Variants in MGAT5 observed in about 807,000 individuals in gnomAD.
The protein encoded by MGAT5 is alpha-1,6-mannosylglycoprotein 6-beta-N-acetylglucosaminyltransferase A.
A neutral mutation model predicts 94.3 loss-of-function variants in MGAT5; 30 were observed. The observed-to-expected ratio is 0.32, with a 90% confidence interval of 0.24 to 0.43. The LOEUF (loss-of-function observed/expected upper bound fraction) is 0.43. MGAT5 is among the 20% of genes least tolerant of loss of function. The pLI is 1.00. For missense variants in MGAT5, 691 were observed against 905.5 expected (o/e 0.76, Z 3.04); for synonymous variants, 310 against 322.9 (o/e 0.96, Z 0.43).
chr2:134,408,212 G>A (rs1683453591), intron 11 of MGAT5, among the ~76,000 whole-genome samples: 1 of 152,204 alleles, frequency 6.6e-6, no homozygotes, highest in African/African-American at 2.4e-5. Flanking sequence ...GGTCCTCCCA[G>A]GAGATGATGC....
chr2:134,288,233 C>T (rs1558762537), intron 2 of MGAT5, among the ~76,000 whole-genome samples: 1 of 152,182 alleles, frequency 6.6e-6, no homozygotes, highest in Non-Finnish European at 1.5e-5. Context: ...TATCAAATGG[C>T]TCAACATCAG....
At chr2:134,359,415 C>CT (rs1679943995) in intron 9 of MGAT5, among the ~76,000 whole-genome samples, 1 of 152,202 alleles carries the variant, frequency 6.6e-6, no homozygotes, top group African/African-American at 2.4e-5. Context: ...AACCAAAACT[C>CT]TGTTTTCTTA....
intron 1 of MGAT5, among the ~76,000 whole-genome samples, chr2:134,193,675 T>TTGTGTGTGTGTG (rs58044792): frequency 2.0e-4 from 26 of 130,892 alleles, no homozygotes; most frequent in South Asian, 5.4e-4. Flanking sequence ...CCCCAAATCT[T>TTGTGTGTGTGTG]TGTGTGTGTG....
At chr2:134,411,638 A>G (rs1683668595) in intron 11 of MGAT5, among the ~76,000 whole-genome samples, 1 of 152,210 alleles carries the variant, frequency 6.6e-6, no homozygotes, top group South Asian at 2.1e-4. Flanking sequence ...TTGGCCTGAC[A>G]CATGCAGCCC....
intron 1 of MGAT5, among the ~76,000 whole-genome samples, chr2:134,196,747 A>AT (rs146866854): frequency 1.2e-4 from 18 of 151,650 alleles, no homozygotes; most frequent in East Asian, 3.9e-4. Context: ...AAAAAATGGA[A>AT]TTTTTTTTTA....
At chr2:134,377,620 TCA>T (rs1314218047) in intron 10 of MGAT5, among the ~76,000 whole-genome samples, 1 of 152,188 alleles carries the variant, frequency 6.6e-6, no homozygotes, top group Non-Finnish European at 1.5e-5. Flanking sequence ...TCTGTCAAAG[TCA>T]CACAACACTT....
chr2:134,320,230 CAG>C (rs1457075063), intron 4 of MGAT5, among the ~76,000 whole-genome samples: 3 of 152,110 alleles, frequency 2.0e-5, no homozygotes, highest in Non-Finnish European at 4.4e-5. Flanking sequence ...AGAAACAACT[CAG>C]AAACAGCCAG....
chr2:134,281,839 G>A (rs994692788), intron 2 of MGAT5, among the ~76,000 whole-genome samples: 2 of 152,236 alleles, frequency 1.3e-5, no homozygotes, highest in East Asian at 1.9e-4. Flanking sequence ...TGTGGTTAAT[G>A]TGAACAGTAC....
At chr2:134,329,059 T>A (rs746438105) in intron 4 of MGAT5, among the ~76,000 whole-genome samples, 28 of 151,966 alleles carry the variant, frequency 1.8e-4, no homozygotes, top group Non-Finnish European at 4.0e-4. Flanking sequence ...AAACGCTGTG[T>A]GGGACATACT....
At chr2:134,427,450 A>G (rs1332959200) in intron 13 of MGAT5, among the ~76,000 whole-genome samples, 1 of 152,140 alleles carries the variant, frequency 6.6e-6, no homozygotes, top group Non-Finnish European at 1.5e-5. Flanking sequence ...TATTGATAAG[A>G]TTGCCTCCTC....
chr2:134,403,323 T>C (rs1256255305), intron 11 of MGAT5, among the ~76,000 whole-genome samples, 186 bp downstream of exon 11: 1 of 152,236 alleles, frequency 6.6e-6, no homozygotes, highest in Admixed American at 6.5e-5. Flanking sequence ...TACAGTTTTT[T>C]TCATTGATTT....
At chr2:134,437,153 A>T (rs925641170) in intron 14 of MGAT5, among the ~76,000 whole-genome samples, 3 of 151,980 alleles carry the variant, frequency 2.0e-5, no homozygotes, top group Non-Finnish European at 4.4e-5. Context: ...CATGCCTAGC[A>T]ATTTTTTTGG....
chr2:134,145,001 T>TCACAAAC (rs1193223856), intron 1 of MGAT5, among the ~76,000 whole-genome samples: 1 of 152,228 alleles, frequency 6.6e-6, no homozygotes, highest in Non-Finnish European at 1.5e-5. Context: ...TTAAAAGTGA[T>TCACAAAC]CACAAACCAT....
At chr2:134,224,905 C>G (rs1463743040) in intron 1 of MGAT5, among the ~76,000 whole-genome samples, 2 of 151,758 alleles carry the variant, frequency 1.3e-5, no homozygotes, top group Non-Finnish European at 2.9e-5. Flanking sequence ...ATGGGGAAAC[C>G]CCATCTCTAC....
chr2:134,298,153 T>C (rs1685793659), intron 2 of MGAT5, among the ~76,000 whole-genome samples: 1 of 152,158 alleles, frequency 6.6e-6, no homozygotes, highest in African/African-American at 2.4e-5. Flanking sequence ...TGGAGTGCAA[T>C]AGCGTACTCT....
intron 9 of MGAT5, among the ~76,000 whole-genome samples, chr2:134,359,899 C>G (rs371190326): frequency 1.3e-5 from 2 of 152,132 alleles, no homozygotes; most frequent in Non-Finnish European, 2.9e-5. Context: ...CACACTGGGC[C>G]GGTAGTTACT....
chr2:134,131,256 C>T (rs762808773), intron 1 of MGAT5, among the ~76,000 whole-genome samples: 15 of 152,164 alleles, frequency 9.9e-5, no homozygotes, highest in African/African-American at 3.6e-4. Flanking sequence ...ACACTCACCG[C>T]GAGGGTCCGC....
chr2:134,185,037 G>A (rs1330527986), intron 1 of MGAT5, among the ~76,000 whole-genome samples: 1 of 152,130 alleles, frequency 6.6e-6, no homozygotes, highest in African/African-American at 2.4e-5. Context: ...GTAACTCAGG[G>A]ATGGAAAACC....
intron 2 of MGAT5, among the ~76,000 whole-genome samples, chr2:134,289,488 T>C (rs1198213298): frequency 1.3e-5 from 2 of 152,106 alleles, no homozygotes; most frequent in Admixed American, 1.3e-4. Context: ...TTGAGGGACT[T>C]TGGTGTGGTT....
Sources: gnomAD v4.1 joint callset for allele counts (sites outside exome capture counted in the v4.1 genomes callset) on GRCh38, gnomAD v4.1.1 for gene constraint, MANE v1.5 for transcripts, NCBI Gene and HGNC (gene_info 2026-07-23, HGNC 2026-07-21) for gene names.